The following CRB1 variants were observed in gnomAD, a reference collection of about 807,000 sequenced individuals.
The protein encoded by CRB1 is crumbs cell polarity complex component 1, also known as protein crumbs homolog 1.
Under a neutral mutation model 120.0 loss-of-function variants are expected in CRB1, and 83 were observed. The ratio of observed to expected loss-of-function variants is 0.69; its 90% CI spans 0.58 to 0.83. CRB1 has a LOEUF of 0.83. Among genes scored for constraint, CRB1 ranks in the 40% least tolerant of loss-of-function variants. The pLI is 0.00. For synonymous variants in CRB1, 625 were observed against 612.5 expected (o/e 1.02, Z -0.30); for missense variants, 1,699 against 1,687.6 (o/e 1.01, Z -0.12).
Position 197,268,379 on chromosome 1 carries a change from G to C in CRB1, c.-34G>C. On this transcript the variant is annotated 5_prime_UTR_variant, in exon 1 of 12. Transcript: ENST00000367400. ...GAGCCGGACTGGGACCAGACCACCA[G>C]CAACACACCAGAGGATGTTCTCTAA... The C allele has an allele frequency of 3.9e-6, 6 of 1,527,882 alleles. No individual in the cohort carries two copies. Among genetic ancestry groups the C allele is most frequent in the Non-Finnish European group, 5.4e-6 (6 of 1,101,866 alleles). The allele number at this position is 1,527,882 out of a possible 1,614,324, so 94.6% of individuals were successfully genotyped here.
the CRB1 span, among the ~76,000 whole-genome samples, chr1:197,241,163 T>C: frequency 6.6e-6 from 1 of 152,232 alleles, no homozygotes; most frequent in Non-Finnish European, 1.5e-5. Flanking sequence ...CTGTTCACTC[T>C]GATGATAGTT....
intron 5 of CRB1, among the ~76,000 whole-genome samples, chr1:197,377,407 C>T (rs1012241936): frequency 3.3e-5 from 5 of 152,178 alleles, no homozygotes; most frequent in African/African-American, 1.2e-4. Context: ...AGAGAAATCT[C>T]AGGACTCTCA....
chr1:197,453,361 T>A (rs1666065675), intron 11 of CRB1, among the ~76,000 whole-genome samples: 2 of 147,470 alleles, frequency 1.4e-5, no homozygotes, highest in South Asian at 2.1e-4. Context: ...TAAATTAATA[T>A]ACATAATTAA....
At chr1:197,270,438 A>G (rs1654844736) in intron 1 of CRB1, among the ~76,000 whole-genome samples, 1 of 152,186 alleles carries the variant, frequency 6.6e-6, no homozygotes, top group South Asian at 2.1e-4. Context: ...ATCCTAGGAA[A>G]CTATAATTTA....
At chr1:197,314,532 A>G (rs1316421041) in intron 1 of CRB1, among the ~76,000 whole-genome samples, 1 of 152,124 alleles carries the variant, frequency 6.6e-6, no homozygotes, top group East Asian at 1.9e-4. Context: ...TAGATCTAAT[A>G]ATTTTTATTG....
the CRB1 span, among the ~76,000 whole-genome samples, chr1:197,256,932 CGTGTGTGTGTGT>C: frequency 1.1e-3 from 150 of 141,494 alleles, no homozygotes; most frequent in African/African-American, 3.7e-3. Flanking sequence ...ATAGGATTTG[CGTGTGTGTGTGT>C]GTGTGTGTGT....
intron 1 of CRB1, among the ~76,000 whole-genome samples, chr1:197,272,870 A>G (rs529268872): frequency 1.2e-4 from 19 of 152,330 alleles, no homozygotes; most frequent in Admixed American, 1.1e-3. Flanking sequence ...TTTACAGTAC[A>G]AAGAGTCAAT....
intron 11 of CRB1, among the ~76,000 whole-genome samples, chr1:197,470,955 T>A (rs531097314): frequency 7.2e-5 from 11 of 152,250 alleles, no homozygotes; most frequent in Non-Finnish European, 1.5e-4. Context: ...CTTGAGTTAA[T>A]GTTGAGGTTG....
At position 197,324,232 on chromosome 1, in the gene CRB1, G is replaced by T. The variant is rs571003386; in HGVS notation, c.71-4190G>T. Among the ~76,000 whole-genome samples, 3 of 152,162 alleles carry T rather than the reference G, an allele frequency of 2.0e-5. No individual in the cohort carries two copies. In the East Asian group the frequency reaches 5.8e-4, roughly 29 times the overall value. ...GTATGATTCTCAGAGAATGTGTGCTGGTGCTAAGCTTGCATTTCTCAGAAC... is the reference window on the plus strand; with the variant it reads ...GTATGATTCTCAGAGAATGTGTGCTTGTGCTAAGCTTGCATTTCTCAGAAC... On this transcript the variant is annotated intron_variant, in intron 1 of 11. Transcript: ENST00000367400.
intron 5 of CRB1, among the ~76,000 whole-genome samples, chr1:197,384,598 T>A (rs915751970): frequency 1.4e-4 from 22 of 152,114 alleles, no homozygotes; most frequent in Non-Finnish European, 4.4e-5. Flanking sequence ...TTAATTAACA[T>A]TGATGAGTCC....
At chr1:197,268,070 G>A (rs1366881049), upstream of CRB1, 1 of 283,008 alleles carries the variant, frequency 3.5e-6, no homozygotes, top group African/African-American at 2.2e-5. Flanking sequence ...GAGAGCAATT[G>A]AAGACACTAT....
At chr1:197,357,282 T>C in intron 5 of CRB1, 1 of 506,074 alleles carries the variant, frequency 2.0e-6, no homozygotes, top group South Asian at 2.2e-5. Flanking sequence ...GCATCTCAAG[T>C]TCTTTACGTT....
the CRB1 span, among the ~76,000 whole-genome samples, chr1:197,260,949 C>G: frequency 6.6e-6 from 1 of 152,160 alleles, no homozygotes; most frequent in African/African-American, 2.4e-5. Context: ...CCCGCCTTGG[C>G]CTCCCAAAGT....
the CRB1 span, among the ~76,000 whole-genome samples, chr1:197,234,433 G>A: frequency 6.6e-6 from 1 of 152,216 alleles, no homozygotes; most frequent in African/African-American, 2.4e-5. Context: ...GCCTGAGTGA[G>A]CTTGGAGAGA....
At chr1:197,300,381 A>C (rs929887994) in intron 1 of CRB1, among the ~76,000 whole-genome samples, 1 of 151,956 alleles carries the variant, frequency 6.6e-6, no homozygotes. Context: ...ATGGTAAAAA[A>C]GTGAAAGAGC....
chr1:197,447,630 C>A (rs548237373), intron 11 of CRB1, among the ~76,000 whole-genome samples: 3 of 151,936 alleles, frequency 2.0e-5, no homozygotes, highest in African/African-American at 7.2e-5. Context: ...TCACTTGAGT[C>A]TAGGATTTCC....
chr1:197,392,897 AG>A (rs1344623166), intron 5 of CRB1, among the ~76,000 whole-genome samples: 1 of 152,146 alleles, frequency 6.6e-6, no homozygotes, highest in Non-Finnish European at 1.5e-5. Context: ...ACAGTGCCCA[AG>A]TAGGGAATCA....
the CRB1 span, among the ~76,000 whole-genome samples, chr1:197,213,668 G>A: frequency 1.3e-5 from 2 of 152,104 alleles, no homozygotes; most frequent in Non-Finnish European, 2.9e-5. Flanking sequence ...AAAGATTGAT[G>A]TTATACCAAG....
intron 4 of CRB1, among the ~76,000 whole-genome samples, chr1:197,356,371 A>G (rs981652771): frequency 4.1e-4 from 62 of 152,206 alleles, no homozygotes; most frequent in African/African-American, 1.4e-3. Context: ...CAAATTTAAA[A>G]CAACCTCTTA....
Sources: allele counts gnomAD v4.1 joint callset (sites outside exome capture counted in the v4.1 genomes callset), GRCh38; gene constraint gnomAD v4.1.1; transcripts MANE v1.5; gene names NCBI Gene and HGNC (gene_info 2026-07-23, HGNC 2026-07-21).